Variants in MARK3 observed in about 807,000 individuals in gnomAD.
The protein encoded by MARK3 is MAP/microtubule affinity-regulating kinase 3.
In MARK3, 46 loss-of-function variants were observed where a neutral mutation model predicts 90.1. The ratio of observed to expected loss-of-function variants is 0.51; its 90% CI spans 0.40 to 0.65. The LOEUF (loss-of-function observed/expected upper bound fraction) is 0.65, where lower values mean the gene tolerates loss of function less well. Among genes scored for constraint, MARK3 ranks in the 30% least tolerant of loss-of-function variants. MARK3 has a pLI of 0.00. For synonymous variants in MARK3, 321 were observed against 332.6 expected (o/e 0.97, Z 0.38); for missense variants, 818 against 947.2 (o/e 0.86, Z 1.79).
chr14:103,465,017 G>T (rs546231981), intron 7 of MARK3, among the ~76,000 whole-genome samples: 93 of 152,242 alleles, frequency 6.1e-4, no homozygotes, highest in African/African-American at 2.2e-3. Context: ...GCCCAGGCTG[G>T]AGTGCAGTGG....
chr14:103,458,685 T>C, intron 6 of MARK3: 1 of 661,276 alleles, frequency 1.5e-6, no homozygotes, highest in South Asian at 1.7e-5. Flanking sequence ...TATAGCCTCA[T>C]TTTTTCTTAG....
At chr14:103,490,795 G>T in intron 14 of MARK3, 1 of 249,494 alleles carries the variant, frequency 4.0e-6, no homozygotes, top group Non-Finnish European at 6.8e-6. Flanking sequence ...GTTAGCAGTT[G>T]CTCCAGAATC....
rs953490661 is a variant in MARK3 at position 103,499,973 on chromosome 14, A to G, written c.1872-183A>G. 3.1e-5 allele frequency: 19 copies of G among 617,132 alleles called. No homozygotes were observed. In the Middle Eastern group the frequency reaches 7.7e-4, roughly 25 times the overall value. The allele number at this position is 617,132 out of a possible 1,614,324, so 38.2% of individuals were successfully genotyped here. On this transcript the variant is annotated intron_variant, in intron 16 of 17. Transcript: ENST00000429436. Reference sequence around the variant, plus strand: ...GTGCACACCCCTGCAGCCTTGTGGAAGAAGGTAGCGCTGGCTCAGTCAAAT... The same window carrying G: ...GTGCACACCCCTGCAGCCTTGTGGAGGAAGGTAGCGCTGGCTCAGTCAAAT...
At chr14:103,407,208 A>G (rs1305701729) in intron 2 of MARK3, among the ~76,000 whole-genome samples, 4 of 152,164 alleles carry the variant, frequency 2.6e-5, no homozygotes. Flanking sequence ...TTTACCTTTA[A>G]AAATAGGTAA....
intron 14 of MARK3, among the ~76,000 whole-genome samples, chr14:103,486,202 G>T (rs996341949): frequency 6.6e-6 from 1 of 152,174 alleles, no homozygotes; most frequent in African/African-American, 2.4e-5. Flanking sequence ...ACTTTGGGAG[G>T]CCGAGGCAAG....
intron 3 of MARK3, among the ~76,000 whole-genome samples, chr14:103,445,385 T>G (rs527636735): frequency 2.1e-4 from 32 of 152,348 alleles, no homozygotes; most frequent in East Asian, 1.7e-3. Context: ...CTTGTTTAAC[T>G]TAGCATAAAG....
At chr14:103,409,438 A>T (rs1487397590) in intron 2 of MARK3, among the ~76,000 whole-genome samples, 11 of 4,264 alleles carry the variant, frequency 2.6e-3, no homozygotes, top group South Asian at 0.013. Flanking sequence ...CTTAAAGTAA[A>T]AAAAAAAAAA....
At chr14:103,468,573 G>T (rs1308753371) in intron 12 of MARK3, among the ~76,000 whole-genome samples, 1 of 151,864 alleles carries the variant, frequency 6.6e-6, no homozygotes, top group Non-Finnish European at 1.5e-5. Flanking sequence ...TGATCCACCT[G>T]CCTTGGCCTC....
rs1157850011 is a variant in MARK3, at chr14:103,468,112, C to T, written c.1190C>T (p.Thr397Ile). The change falls in exon 12 of 18, where the codon ACT (threonine) becomes ATT (isoleucine). Residue 397 changes from threonine to isoleucine, a missense_variant. Transcript: ENST00000429436. ...VRPSSDLNNS[T>I]GQSPHHKVQR... ...CCGAGCAGTGATCTCAACAACAGTACTGGCCAGTCTCCTCACCACAAAGTG... is the reference window on the plus strand; with the variant it reads ...CCGAGCAGTGATCTCAACAACAGTATTGGCCAGTCTCCTCACCACAAAGTG... The T allele has an allele frequency of 1.9e-6, 3 of 1,613,968 alleles. No individual in the cohort carries two copies. Among genetic ancestry groups the T allele is most frequent in the Non-Finnish European group, 2.5e-6 (3 of 1,179,948 alleles).
chr14:103,414,821 G>C (rs996386843), intron 2 of MARK3, among the ~76,000 whole-genome samples: 1 of 152,084 alleles, frequency 6.6e-6, no homozygotes, highest in African/African-American at 2.4e-5. Flanking sequence ...AAGTCACAAG[G>C]ATGTCGTGAA....
intron 5 of MARK3, among the ~76,000 whole-genome samples, chr14:103,453,194 G>C (rs985655873): frequency 6.6e-6 from 1 of 152,134 alleles, no homozygotes; most frequent in Non-Finnish European, 1.5e-5. Context: ...GTATTTTATG[G>C]TTGAGATTGG....
At chr14:103,452,009 G>T (rs1305625190) in intron 5 of MARK3, 26 bp downstream of exon 5, 22 of 1,509,712 alleles carry the variant, frequency 1.5e-5, no homozygotes, top group Non-Finnish European at 1.9e-5. Context: ...TATATATTGG[G>T]TTTTTTTTCT....
At position 103,450,918 on chromosome 14, in the gene MARK3, A is replaced by T. The variant is rs370871475; in HGVS notation, c.347-1000A>T. ...TGTGTGTGTGTGTGTGTGTGTGTGT[A>T]TTCTTTTTTTTTTTTTTTTTTTTTT... is the stretch of plus-strand genomic sequence containing the variant. On this transcript the variant is annotated intron_variant, in intron 4 of 17. Transcript: ENST00000429436. 8.2e-3 allele frequency among the ~76,000 whole-genome samples: 239 copies of T among 29,060 alleles called. No homozygotes were observed. In the Middle Eastern group the frequency reaches 0.083, roughly 10 times the overall value. The allele number at this position is 29,060 out of a possible 152,430, so 19.1% of individuals were successfully genotyped here. A position where few individuals can be genotyped will look rare whatever the true frequency, so the allele number is the denominator to read the frequency against.
intron 2 of MARK3, among the ~76,000 whole-genome samples, chr14:103,406,709 TCTC>T (rs2091321001): frequency 7.8e-6 from 1 of 127,990 alleles, no homozygotes; most frequent in East Asian, 2.2e-4. Context: ...TTCAAGCCAT[TCTC>T]CTGCCTCAGC....
At position 103,466,050 on chromosome 14, in the gene MARK3, C is replaced by T. The variant is rs1566894353; in HGVS notation, c.856C>T (p.Arg286Cys). ...MSTDCENLLK[R>C]FLVLNPIKRG... ...TACAGACTGTGAAAACCTTCTCAAACGTTTCCTGGTGCTAAATCCAATTAA... is the reference window on the plus strand; with the variant it reads ...TACAGACTGTGAAAACCTTCTCAAATGTTTCCTGGTGCTAAATCCAATTAA... Residue 286 changes from arginine (R) to cysteine (C), a missense_variant, in exon 9 of 18, where the codon CGT becomes TGT. Arg to Cys is a radical substitution (Grantham distance 180, BLOSUM62 -3). Transcript: ENST00000429436. 5.6e-6 allele frequency: 9 copies of T among 1,613,862 alleles called. No homozygotes were observed. In the Admixed American group the frequency reaches 6.7e-5, roughly 12 times the overall value.
At chr14:103,458,390 C>T (rs989980919) in intron 6 of MARK3, among the ~76,000 whole-genome samples, 7 of 125,542 alleles carry the variant, frequency 5.6e-5, no homozygotes, top group Admixed American at 1.1e-4. Context: ...ACCTGGGAGG[C>T]GGAAATTGTA....
At chr14:103,421,931 A>G (rs1205615067) in intron 2 of MARK3, among the ~76,000 whole-genome samples, 1 of 152,200 alleles carries the variant, frequency 6.6e-6, no homozygotes, top group Non-Finnish European at 1.5e-5. Context: ...TATTACACAC[A>G]GTTTAAAGAG....
chr14:103,411,737 C>T (rs1446082019), intron 2 of MARK3, among the ~76,000 whole-genome samples: 3 of 152,074 alleles, frequency 2.0e-5, no homozygotes, highest in Non-Finnish European at 4.4e-5. Flanking sequence ...ATTCGCCTGC[C>T]TCAGCCTCCT....
chr14:103,446,285 G>GGAGGCC (rs2092992519), intron 3 of MARK3, among the ~76,000 whole-genome samples: 1 of 152,152 alleles, frequency 6.6e-6, no homozygotes, highest in African/African-American at 2.4e-5. Flanking sequence ...CCAGCACTTT[G>GGAGGCC]GAGGCCAAGG....
Sources: allele counts gnomAD v4.1 joint callset (sites outside exome capture counted in the v4.1 genomes callset), GRCh38; gene constraint gnomAD v4.1.1; transcripts MANE v1.5; gene names NCBI Gene and HGNC (gene_info 2026-07-23, HGNC 2026-07-21).